TLCD3B: variants seen among roughly 807,000 people sequenced by gnomAD.
The protein encoded by TLCD3B is ceramide synthase.
In TLCD3B, 9 loss-of-function variants were observed where a neutral mutation model predicts 23.0. The ratio of observed to expected loss-of-function variants is 0.39; its 90% CI spans 0.24 to 0.68. TLCD3B has a LOEUF of 0.68. Among genes scored for constraint, TLCD3B ranks in the 30% least tolerant of loss-of-function variants. The pLI is 0.44. For missense variants in TLCD3B, 307 were observed against 371.8 expected, an observed-to-expected ratio of 0.83 and a Z score of 1.43; for synonymous variants, 161 against 161.0, an observed-to-expected ratio of 1.00 and a Z score of 0.00.
chr16:30,038,926 A>C (rs1162005754), intron 3 of TLCD3B, among the ~76,000 whole-genome samples: 1 of 152,072 alleles, frequency 6.6e-6, no homozygotes, highest in Non-Finnish European at 1.5e-5. Context: ...ATTTTTTAAA[A>C]TCATATTTTC....
At chr16:30,040,133 C>CAAAAAAAAAAAAA (rs1205462051) in intron 3 of TLCD3B, among the ~76,000 whole-genome samples, 1 of 84,850 alleles carries the variant, frequency 1.2e-5, no homozygotes, top group African/African-American at 5.3e-5. Flanking sequence ...GACTTTGTCT[C>CAAAAAAAAAAAAA]AAAAAAAAAA....
intron 1 of TLCD3B, among the ~76,000 whole-genome samples, chr16:30,049,074 G>C (rs954691531): frequency 2.0e-5 from 3 of 152,040 alleles, no homozygotes; most frequent in Non-Finnish European, 2.9e-5. Flanking sequence ...CTGGCCTAAA[G>C]GTTTTTTTCG....
chr16:30,032,185 G>C (rs550132599), upstream of TLCD3B, among the ~76,000 whole-genome samples: 1 of 152,292 alleles, frequency 6.6e-6, no homozygotes, highest in Admixed American at 6.5e-5. Flanking sequence ...CTGGGCCCGG[G>C]TGGAGCTGTG....
chr16:30,052,383 C>A (rs945269746), intron 1 of TLCD3B, among the ~76,000 whole-genome samples: 4 of 151,362 alleles, frequency 2.6e-5, no homozygotes, highest in East Asian at 3.9e-4. Flanking sequence ...ATAAATAAAT[C>A]AATTAATAAA....
At chr16:30,036,524 T>C in intron 3 of TLCD3B, 1 of 830,078 alleles carries the variant, frequency 1.2e-6, no homozygotes, top group African/African-American at 1.8e-5. Flanking sequence ...AAGGAAGGTG[T>C]CAAACTGCAA....
intron 1 of TLCD3B, among the ~76,000 whole-genome samples, chr16:30,048,568 C>A (rs2071706841): frequency 6.6e-6 from 1 of 152,052 alleles, no homozygotes; most frequent in Non-Finnish European, 1.5e-5. Flanking sequence ...CAGGGTTGCA[C>A]AGATATACTG....
At chr16:30,050,277 G>A (rs1596784623) in intron 1 of TLCD3B, among the ~76,000 whole-genome samples, 3 of 152,306 alleles carry the variant, frequency 2.0e-5, no homozygotes, top group East Asian at 1.9e-4. Flanking sequence ...AGTGGTTCAC[G>A]CTTGTAATCC....
chr16:30,050,123 G>A (rs940577940), intron 1 of TLCD3B, among the ~76,000 whole-genome samples: 1 of 152,208 alleles, frequency 6.6e-6, no homozygotes, highest in African/African-American at 2.4e-5. Flanking sequence ...GTGTCCAGGG[G>A]CCTTGCCAAG....
chr16:30,026,677 G>A lies in TLCD3B; in HGVS notation c.376C>T (p.Leu126=), dbSNP rs2071153550. ...AGCACCATGAGGAACTCCTTGTGCAGGTAGCCACGCGCTATGGCCCACGTG... is the reference window on the plus strand; with the variant it reads ...AGCACCATGAGGAACTCCTTGTGCAAGTAGCCACGCGCTATGGCCCACGTG... The part of the protein sequence containing the change: ...GSTWAIARGY[L]HKEFLMVLHH... The change falls in exon 3 of 5, where the codon CTG becomes TTG. Residue 126 remains leucine, a synonymous_variant. Coordinates refer to ENST00000380495, the MANE Select transcript of TLCD3B (RefSeq NM_031478.6). The A allele has an allele frequency of 1.5e-5, 24 of 1,613,960 alleles. No homozygotes were observed. Among genetic ancestry groups the A allele is most frequent in the Non-Finnish European group, 2.0e-5 (24 of 1,180,022 alleles).
intron 1 of TLCD3B, among the ~76,000 whole-genome samples, chr16:30,052,570 G>T (rs977937894): frequency 1.3e-5 from 2 of 151,622 alleles, no homozygotes; most frequent in African/African-American, 4.8e-5. Context: ...GGTAGTGCGC[G>T]CCTGTAATCC....
chr16:30,051,468 C>T (rs1303164494), intron 1 of TLCD3B, among the ~76,000 whole-genome samples: 1 of 144,120 alleles, frequency 6.9e-6, no homozygotes, highest in East Asian at 2.0e-4. Flanking sequence ...TTGCAGTGAG[C>T]TGAGATCACA....
chr16:30,030,385 G>C lies in TLCD3B; in HGVS notation c.125+18C>G. 6.5e-7 allele frequency: 1 copy of C among 1,548,632 alleles called. No homozygotes were observed. The highest frequency in any genetic ancestry group is 8.7e-7 in the Non-Finnish European group (1 of 1,147,820). ...CCCAAGAAGCAGACAGGGGCTGAGG[G>C]GAAAGAAAGTGGTTTACCTGGCTGA... is the stretch of plus-strand genomic sequence containing the variant. On this transcript the variant is annotated intron_variant, in intron 1 of 4. Transcript: ENST00000380495.
At chr16:30,043,557 G>GA (rs1726479516) in intron 2 of TLCD3B, among the ~76,000 whole-genome samples, 1 of 152,084 alleles carries the variant, frequency 6.6e-6, no homozygotes, top group African/African-American at 2.4e-5. Context: ...TTCGGATGAG[G>GA]AAATTGAGGC....
chr16:30,026,581 C>T lies in TLCD3B; in HGVS notation c.444+28G>A, dbSNP rs1368135299. ...GGACCAAGGAGCAGGCCACCCGCAC[C>T]CCGCCCGCCCAGCTCCCCGGGACTC... On this transcript the variant is annotated intron_variant, in intron 3 of 4. Coordinates refer to ENST00000380495, the MANE Select transcript of TLCD3B (RefSeq NM_031478.6). 5.6e-6 allele frequency: 9 copies of T among 1,594,536 alleles called. No homozygotes were observed. In the Admixed American group the frequency reaches 1.5e-4, roughly 27 times the overall value.
intron 3 of TLCD3B, among the ~76,000 whole-genome samples, chr16:30,040,387 A>G (rs1401259057): frequency 6.6e-6 from 1 of 151,960 alleles, no homozygotes; most frequent in Non-Finnish European, 1.5e-5. Flanking sequence ...TTAATCATCT[A>G]TGCCACCTTA....
In TLCD3B at chr16:30,024,824, A is replaced by G; in HGVS notation, c.*359T>C. 1 of 237,876 alleles carries G rather than the reference A, an allele frequency of 4.2e-6. No individual in the cohort carries two copies. The highest frequency in any genetic ancestry group is 8.0e-6 in the Non-Finnish European group (1 of 125,106). The allele number at this position is 237,876 out of a possible 1,614,324, so 14.7% of individuals were successfully genotyped here. A position where few individuals can be genotyped will look rare whatever the true frequency, so the allele number is the denominator to read the frequency against. On this transcript the variant is annotated 3_prime_UTR_variant, in exon 5 of 5. Coordinates refer to ENST00000380495, the MANE Select transcript of TLCD3B (RefSeq NM_031478.6). Reference sequence around the variant, plus strand: ...GTGATGGGGAGCCCTGGGGGATGGCAGCATAGGGGCTGGGATGGCCTTGGC... The same window carrying G: ...GTGATGGGGAGCCCTGGGGGATGGCGGCATAGGGGCTGGGATGGCCTTGGC...
chr16:30,040,140 A>AT (rs2071551344), intron 3 of TLCD3B, among the ~76,000 whole-genome samples: 1 of 106,146 alleles, frequency 9.4e-6, no homozygotes, highest in African/African-American at 3.3e-5. Flanking sequence ...TCTCAAAAAA[A>AT]AAAAAAAATA....
At position 30,029,692 on chromosome 16, in the gene TLCD3B, C is replaced by G. The variant is rs764644614; in HGVS notation, c.126-177G>C. Reference sequence around the variant, plus strand: ...GGTGTGCCCCACCACAGGTACCTCACGGCTCTCCGGCCCGCTCGGCTGCTG... The same window carrying G: ...GGTGTGCCCCACCACAGGTACCTCAGGGCTCTCCGGCCCGCTCGGCTGCTG... On this transcript the variant is annotated intron_variant, in intron 1 of 4. Coordinates refer to ENST00000380495, the MANE Select transcript of TLCD3B (RefSeq NM_031478.6). This position sits in a 1 kb window ranked among gnomAD's most constrained non-coding sequence, Gnocchi z 4.6. 3.3e-5 allele frequency among the ~76,000 whole-genome samples: 5 copies of G among 152,224 alleles called. No homozygotes were observed. Among genetic ancestry groups the G allele is most frequent in the African/African-American group, 4.8e-5 (2 of 41,462 alleles).
rs1284480706 is a variant in TLCD3B at position 30,030,586 on chromosome 16, T to G, written c.-59A>C. 8 of 1,480,160 alleles carry G rather than the reference T, an allele frequency of 5.4e-6. No individual in the cohort carries two copies. The African/African-American group carries it at 6.0e-5, about 11-fold the overall frequency. 91.7% of individuals were successfully genotyped at this position (1,480,160 alleles called of 1,614,324 possible). On this transcript the variant is annotated 5_prime_UTR_variant, in exon 1 of 5. Transcript: ENST00000380495. ...GCCGTGAAGGGGCAGGGAGGCCGAG[T>G]GGAAGGAGTTAGGGGTGGAGAAGGG...
Sources: allele counts gnomAD v4.1 joint callset (sites outside exome capture counted in the v4.1 genomes callset), GRCh38; gene constraint gnomAD v4.1.1; non-coding constraint Gnocchi (gnomAD v3.1); transcripts MANE v1.5; gene names NCBI Gene and HGNC (gene_info 2026-07-23, HGNC 2026-07-21).